Variants in ZSWIM6 observed in about 807,000 individuals in gnomAD.
ZSWIM6 encodes zinc finger SWIM-type containing 6, also known as zinc finger SWIM domain-containing protein 6.
Under a neutral mutation model 113.2 loss-of-function variants are expected in ZSWIM6, and 9 were observed. That is an observed-to-expected ratio of 0.08 (90% CI 0.05 to 0.14). The LOEUF is 0.14. Ranked by LOEUF, ZSWIM6 falls within the 10% of genes least tolerant of loss-of-function variation. ZSWIM6 has a pLI of 1.00. For missense variants in ZSWIM6, 1,162 were observed against 1,552.2 expected (o/e 0.75, Z 4.22); for synonymous variants, 611 against 606.5 (o/e 1.01, Z -0.11).
At chr5:61,344,475 T>C (rs546071078) in intron 1 of ZSWIM6, among the ~76,000 whole-genome samples, 1 of 152,352 alleles carries the variant, frequency 6.6e-6, no homozygotes, top group Admixed American at 6.5e-5. Context: ...TTGTTCTTTC[T>C]TTCTTTCCTT....
In ZSWIM6 at chr5:61,534,623, G is replaced by C. The variant is rs79565023; in HGVS notation, c.2246-861G>C. ...AAAACTTTACAGTAACTAAACCTCA[G>C]AGTACCTTAGTGCAAAGTGGTTGAA... On this transcript the variant is annotated intron_variant, in intron 9 of 13. Transcript: ENST00000252744. Among the ~76,000 whole-genome samples, 1,019 of 152,224 alleles carry C rather than the reference G, an allele frequency of 6.7e-3. 4 individuals carry two copies. Among genetic ancestry groups the C allele is most frequent in the South Asian group, 0.021 (101 of 4,822 alleles).
At chr5:61,399,478 A>G (rs1036848549) in intron 1 of ZSWIM6, among the ~76,000 whole-genome samples, 4 of 152,122 alleles carry the variant, frequency 2.6e-5, no homozygotes, top group African/African-American at 7.2e-5. Flanking sequence ...CTTTTCCACA[A>G]TCTGTCAACA....
intron 1 of ZSWIM6, among the ~76,000 whole-genome samples, chr5:61,445,918 C>G (rs977788810): frequency 2.0e-5 from 3 of 152,118 alleles, no homozygotes; most frequent in African/African-American, 7.2e-5. Context: ...GTATTTAAAT[C>G]CACCAGTAAC....
intron 10 of ZSWIM6, 136 bp from the exon 11 acceptor site, chr5:61,538,678 C>A: frequency 5.4e-6 from 5 of 931,570 alleles, no homozygotes; most frequent in East Asian, 5.3e-5. Flanking sequence ...CAGAGTATAG[C>A]TGTACCAGCC....
chr5:61,382,714 A>G (rs1745510002), intron 1 of ZSWIM6, among the ~76,000 whole-genome samples: 1 of 152,096 alleles, frequency 6.6e-6, no homozygotes, highest in African/African-American at 2.4e-5. Context: ...CTGAGGCAGG[A>G]GGATCACTTT....
intron 2 of ZSWIM6, among the ~76,000 whole-genome samples, chr5:61,487,886 T>C (rs1748063733): frequency 6.6e-6 from 1 of 152,086 alleles, no homozygotes; most frequent in Non-Finnish European, 1.5e-5. Flanking sequence ...TCTTGACTGA[T>C]TGCTCTGAGT....
chr5:61,365,430 A>C (rs1745130393), intron 1 of ZSWIM6, among the ~76,000 whole-genome samples: 2 of 152,238 alleles, frequency 1.3e-5, no homozygotes, highest in Admixed American at 1.3e-4. Flanking sequence ...AATTTTGAAA[A>C]ATGTTTGGGA....
In ZSWIM6 at chr5:61,395,835, G is replaced by A. The variant is rs1016556499; in HGVS notation, c.676+62887G>A. 5.3e-5 allele frequency among the ~76,000 whole-genome samples: 8 copies of A among 152,210 alleles called. No individual in the cohort carries two copies. In the South Asian group the frequency reaches 1.7e-3, roughly 32 times the overall value. ...TTTTCTACAAAATTATTTAGATGTAGTAAAGAAAATTGCTTTACTCAGTGC... is the reference window on the plus strand; with the variant it reads ...TTTTCTACAAAATTATTTAGATGTAATAAAGAAAATTGCTTTACTCAGTGC... On this transcript the variant is annotated intron_variant, in intron 1 of 13. Coordinates refer to ENST00000252744, the MANE Select transcript of ZSWIM6 (RefSeq NM_020928.2).
chr5:61,335,765 T>G (rs952351217), intron 1 of ZSWIM6, among the ~76,000 whole-genome samples: 2 of 152,208 alleles, frequency 1.3e-5, no homozygotes, highest in Admixed American at 1.3e-4. Flanking sequence ...ATGCTGTTGA[T>G]AGTTTAAGGA....
Position 61,469,547 on chromosome 5 carries a change from A to C in ZSWIM6, c.677-3134A>C, listed in dbSNP as rs573990752. 2.2e-4 allele frequency among the ~76,000 whole-genome samples: 34 copies of C among 152,322 alleles called. 1 individual carries two copies. The highest frequency in any genetic ancestry group is 7.9e-4 in the African/African-American group (33 of 41,572). ...AAGAATAGTAAATTTTAAGTAACAA[A>C]ACTGTATAATATGTGGGATCCCTTC... On this transcript the variant is annotated intron_variant, in intron 1 of 13. Transcript: ENST00000252744.
At chr5:61,529,008 A>G (rs1749359910) in intron 7 of ZSWIM6, among the ~76,000 whole-genome samples, 1 of 152,214 alleles carries the variant, frequency 6.6e-6, no homozygotes, top group Non-Finnish European at 1.5e-5. Flanking sequence ...TGTATATTTT[A>G]TATTGTATGT....
At chr5:61,333,983 AC>A (rs1260119770) in intron 1 of ZSWIM6, among the ~76,000 whole-genome samples, 1 of 152,078 alleles carries the variant, frequency 6.6e-6, no homozygotes, top group Non-Finnish European at 1.5e-5. Flanking sequence ...GCCCGGCACG[AC>A]CCAGCACTTT....
chr5:61,539,496 T>TC (rs1749673204), intron 11 of ZSWIM6, 100 bp from the exon 12 acceptor site: 5 of 1,330,534 alleles, frequency 3.8e-6, no homozygotes, highest in Admixed American at 5.7e-5. Flanking sequence ...GTTTCTTTTT[T>TC]CCCCCTCTGT....
At chr5:61,410,717 A>G (rs1473351760) in intron 1 of ZSWIM6, among the ~76,000 whole-genome samples, 1 of 152,210 alleles carries the variant, frequency 6.6e-6, no homozygotes, top group African/African-American at 2.4e-5. Flanking sequence ...AAGAGTACAG[A>G]GTTGTAAACT....
At chr5:61,466,452 G>T (rs1747438350) in intron 1 of ZSWIM6, among the ~76,000 whole-genome samples, 1 of 152,052 alleles carries the variant, frequency 6.6e-6, no homozygotes, top group South Asian at 2.1e-4. Flanking sequence ...TTTCCCTGGG[G>T]GTTCTTTTTA....
At chr5:61,352,283 T>G (rs546014763) in intron 1 of ZSWIM6, among the ~76,000 whole-genome samples, 1 of 152,370 alleles carries the variant, frequency 6.6e-6, no homozygotes, top group Admixed American at 6.5e-5. Flanking sequence ...ATTTTTCTTT[T>G]TTGGATTGTC....
At chr5:61,384,065 C>T (rs1272619031) in intron 1 of ZSWIM6, among the ~76,000 whole-genome samples, 2 of 148,558 alleles carry the variant, frequency 1.3e-5, no homozygotes, top group African/African-American at 2.5e-5. Flanking sequence ...CAAGGTGAAA[C>T]CCCGTCTCTA....
chr5:61,402,753 A>T (rs1401883565), intron 1 of ZSWIM6, among the ~76,000 whole-genome samples: 1 of 152,218 alleles, frequency 6.6e-6, no homozygotes. Context: ...TAAAGTTGTT[A>T]TTCCCACAAT....
At chr5:61,494,141 C>CAT in intron 3 of ZSWIM6, 119 bp from the exon 4 acceptor site, 3 of 1,116,754 alleles carry the variant, frequency 2.7e-6, no homozygotes, top group Non-Finnish European at 3.8e-6. Flanking sequence ...CACACACACA[C>CAT]ACACGGAGAG....
Sources: gnomAD v4.1 joint callset for allele counts (sites outside exome capture counted in the v4.1 genomes callset) on GRCh38, gnomAD v4.1.1 for gene constraint, MANE v1.5 for transcripts, NCBI Gene and HGNC (gene_info 2026-07-23, HGNC 2026-07-21) for gene names.